UBAP2: variants seen among roughly 807,000 people sequenced by gnomAD.
UBAP2 encodes the protein ubiquitin associated protein 2.
UBAP2 carries 75 observed loss-of-function variants against 139.6 expected under a neutral mutation model. That is an observed-to-expected ratio of 0.54 (90% confidence interval 0.45 to 0.65). The LOEUF is 0.65. Ranked by LOEUF, UBAP2 falls within the 30% of genes least tolerant of loss-of-function variation. UBAP2 has a pLI of 0.00. For missense variants in UBAP2, 1,368 were observed against 1,369.6 expected, an observed-to-expected ratio of 1.00 and a Z score of 0.02; for synonymous variants, 526 against 526.2, an observed-to-expected ratio of 1.00 and a Z score of 0.01.
chr9:33,980,542 G>A (rs1057204446), intron 6 of UBAP2, among the ~76,000 whole-genome samples: 27 of 151,854 alleles, frequency 1.8e-4, no homozygotes, highest in Non-Finnish European at 3.4e-4. Flanking sequence ...CACCCGGCGA[G>A]CGTCATTTCT....
At chr9:34,030,526 A>C (rs991272725) in intron 1 of UBAP2, among the ~76,000 whole-genome samples, 2 of 152,098 alleles carry the variant, frequency 1.3e-5, no homozygotes, top group African/African-American at 4.8e-5. Context: ...AGAAGGCTGA[A>C]ATGGGAGGAT....
chr9:33,981,764 T>A (rs1026499212), intron 6 of UBAP2, among the ~76,000 whole-genome samples: 209 of 129,454 alleles, frequency 1.6e-3, no homozygotes, highest in Middle Eastern at 9.7e-3. Context: ...GGAAGGTAGG[T>A]AGGTAGGTAG....
intron 8 of UBAP2, among the ~76,000 whole-genome samples, chr9:33,970,599 T>A (rs1351842926): frequency 6.6e-6 from 1 of 152,002 alleles, no homozygotes; most frequent in Non-Finnish European, 1.5e-5. Flanking sequence ...CCATGCTAAT[T>A]TTTTAAGTTT....
At chr9:33,959,963 AT>A (rs1194003962) in intron 10 of UBAP2, among the ~76,000 whole-genome samples, 2 of 152,076 alleles carry the variant, frequency 1.3e-5, no homozygotes, top group African/African-American at 2.4e-5. Context: ...TTTAAGATGG[AT>A]TCTTGCTCTG....
rs765457958 is a variant in UBAP2, at chr9:33,926,629, T to C, written c.2499A>G (p.Ser833=). The C allele has an allele frequency of 6.2e-7, 1 of 1,614,146 alleles. No homozygotes were observed. Among genetic ancestry groups the C allele is most frequent in the East Asian group, 2.2e-5 (1 of 44,886 alleles). ...YGYDELQMLQ[S]RLPVDYYGIP... The stretch of plus-strand genomic sequence containing the variant: ...ATACCCCACTCACCACTGGCAGCCG[T>C]GACTGCAGCATCTGGAGCTCGTCAT... Residue 833 remains serine, a synonymous_variant, in exon 22 of 29, where the codon TCA becomes TCG. Transcript: ENST00000379238.
intron 22 of UBAP2, 151 bp downstream of exon 22, chr9:33,926,466 C>A: frequency 1.2e-6 from 1 of 833,174 alleles, no homozygotes; most frequent in Non-Finnish European, 2.0e-6. Flanking sequence ...GCACAACCGC[C>A]AGATGAAAAC....
intron 24 of UBAP2, 76 bp from the exon 25 acceptor site, chr9:33,923,554 T>G: frequency 6.9e-7 from 1 of 1,439,850 alleles, no homozygotes. Context: ...TGCCAGAGCC[T>G]AAGGCAGCAG....
chr9:33,988,036 A>G (rs1049196565), intron 5 of UBAP2, among the ~76,000 whole-genome samples: 18 of 152,178 alleles, frequency 1.2e-4, no homozygotes. Context: ...GCTGACTCAC[A>G]TGAATTCCAG....
intron 2 of UBAP2, among the ~76,000 whole-genome samples, chr9:34,001,671 ATG>A (rs1822713672): frequency 6.6e-6 from 1 of 152,206 alleles, no homozygotes; most frequent in Non-Finnish European, 1.5e-5. Context: ...TTTTCACAAA[ATG>A]AAAGTAGACT....
intron 2 of UBAP2, among the ~76,000 whole-genome samples, chr9:34,002,797 C>G (rs967425071): frequency 1.3e-5 from 2 of 151,792 alleles, no homozygotes; most frequent in East Asian, 1.9e-4. Context: ...ACGCACTCCA[C>G]CCCCCATAAT....
In UBAP2 at chr9:33,927,800, A is replaced by T. The variant is rs1183694524; in HGVS notation, c.2368T>A (p.Ser790Thr). The stretch of plus-strand genomic sequence containing the variant: ...GAAAGGCCTCTGGAGCAAATACCTG[A>T]GGTCACCAAGGGCGCGGCCCTGCTA... ...SSSRAAPLVT[S>T]GKAPPNLPQG... Residue 790 changes from serine (S) to threonine (T), a missense_variant, in exon 20 of 29, where the codon TCA becomes ACA. Coordinates refer to ENST00000379238, the MANE Select transcript of UBAP2 (RefSeq NM_001370062.2). 1 of 1,608,846 alleles carries T rather than the reference A, an allele frequency of 6.2e-7. No homozygotes were observed. Among genetic ancestry groups the T allele is most frequent in the African/African-American group, 1.3e-5 (1 of 74,842 alleles).
In UBAP2 at chr9:33,930,656, G is replaced by T. The variant is rs182661164; in HGVS notation, c.2175+1906C>A. On this transcript the variant is annotated intron_variant, in intron 19 of 28. Coordinates refer to ENST00000379238, the MANE Select transcript of UBAP2 (RefSeq NM_001370062.2). ...TTCACGCCTGTAATCCCACCACTTT[G>T]GGAGGCCGAGGCGGGTGGATTACGA... 3.5e-4 allele frequency among the ~76,000 whole-genome samples: 53 copies of T among 152,260 alleles called. 1 individual carries two copies. The East Asian group carries it at 0.01, about 29-fold the overall frequency.
intron 2 of UBAP2, among the ~76,000 whole-genome samples, chr9:34,003,126 G>A (rs1030617774): frequency 2.7e-5 from 4 of 149,928 alleles, no homozygotes; most frequent in Admixed American, 6.7e-5. Flanking sequence ...CTCTCGGCTC[G>A]CTGCAACCTC....
intron 6 of UBAP2, among the ~76,000 whole-genome samples, chr9:33,976,853 T>G (rs887785764): frequency 1.1e-4 from 16 of 150,326 alleles, no homozygotes; most frequent in Non-Finnish European, 2.4e-4. Flanking sequence ...TGTATATATA[T>G]ATACAAAAAT....
intron 2 of UBAP2, among the ~76,000 whole-genome samples, chr9:34,010,386 T>C (rs1823646212): frequency 7.3e-6 from 1 of 136,618 alleles, no homozygotes; most frequent in Non-Finnish European, 1.5e-5. Flanking sequence ...ATCGCGCCAC[T>C]GCACTCCAGC....
chr9:33,939,568 G>A (rs575670601), intron 16 of UBAP2, among the ~76,000 whole-genome samples: 1 of 149,028 alleles, frequency 6.7e-6, no homozygotes, highest in East Asian at 2.0e-4. Flanking sequence ...GACTAGCCTG[G>A]GTAACATGAT....
intron 1 of UBAP2, among the ~76,000 whole-genome samples, chr9:34,030,086 G>T (rs940046985): frequency 2.0e-5 from 3 of 151,612 alleles, no homozygotes; most frequent in African/African-American, 7.3e-5. Flanking sequence ...GAGCAGTGTG[G>T]GGCCAGGAGT....
chr9:33,965,707 A>G (rs1827391952), intron 8 of UBAP2, among the ~76,000 whole-genome samples: 1 of 152,212 alleles, frequency 6.6e-6, no homozygotes, highest in African/African-American at 2.4e-5. Flanking sequence ...CTACTATGCT[A>G]TTGATTTATG....
chr9:33,943,479 T>A lies in UBAP2; in HGVS notation c.1656A>T (p.Ser552=). 6.2e-7 allele frequency: 1 copy of A among 1,614,188 alleles called. No individual in the cohort carries two copies. ...GATTACTATTTTCACTGCTTGGAGC[T>A]GATCCAAATTCAGAGAGAGAAGGTT... is the stretch of plus-strand genomic sequence containing the variant. The part of the protein sequence containing the change: ...GSEPSLSEFG[S]APSSENSNQI... The change falls in exon 15 of 29, where the codon TCA becomes TCT. Residue 552 remains serine (S), a synonymous_variant. Transcript: ENST00000379238.
Sources: allele counts gnomAD v4.1 joint callset (sites outside exome capture counted in the v4.1 genomes callset), GRCh38; gene constraint gnomAD v4.1.1; transcripts MANE v1.5; gene names NCBI Gene and HGNC (gene_info 2026-07-23, HGNC 2026-07-21).